The following CSNK2A2IP variants were observed in gnomAD, a reference collection of about 807,000 sequenced individuals.
CSNK2A2IP encodes the protein casein kinase II subunit alpha'-interacting protein.
At chr3:88,343,938 T>C in the CSNK2A2IP span, among the ~76,000 whole-genome samples, 1 of 151,922 alleles carries the variant, frequency 6.6e-6, no homozygotes, top group Non-Finnish European at 1.5e-5. Context: ...TTCAAATAGT[T>C]TTACCTACTA....
chr3:88,354,701 A>G, the CSNK2A2IP span, among the ~76,000 whole-genome samples: 1 of 152,220 alleles, frequency 6.6e-6, no homozygotes, highest in Non-Finnish European at 1.5e-5. Context: ...TGAACATTTT[A>G]GAAAAATCAT....
At chr3:88,418,284 A>T in the CSNK2A2IP span, among the ~76,000 whole-genome samples, 5 of 152,236 alleles carry the variant, frequency 3.3e-5, no homozygotes, top group South Asian at 2.1e-4. Context: ...TTCTTTTTTT[A>T]AAAAAAGAAA....
At chr3:88,419,088 A>G in the CSNK2A2IP span, among the ~76,000 whole-genome samples, 1 of 152,096 alleles carries the variant, frequency 6.6e-6, no homozygotes. Context: ...GTCTAGTTTC[A>G]GGAAAACAAG....
the CSNK2A2IP span, among the ~76,000 whole-genome samples, chr3:88,417,630 T>C: frequency 6.6e-6 from 1 of 152,230 alleles, no homozygotes; most frequent in South Asian, 2.1e-4. Context: ...ACAGGCAATC[T>C]AAACAAGGTG....
At chr3:88,395,376 T>C in the CSNK2A2IP span, among the ~76,000 whole-genome samples, 1 of 152,198 alleles carries the variant, frequency 6.6e-6, no homozygotes, top group Non-Finnish European at 1.5e-5. Context: ...TCAAATTTAG[T>C]GTTTTCTGTA....
the CSNK2A2IP span, among the ~76,000 whole-genome samples, chr3:88,423,611 A>G: frequency 6.6e-6 from 1 of 152,022 alleles, no homozygotes; most frequent in Non-Finnish European, 1.5e-5. Context: ...TGTGAAGAAA[A>G]CCTGATCAAG....
At chr3:88,343,904 T>C in the CSNK2A2IP span, among the ~76,000 whole-genome samples, 1 of 151,956 alleles carries the variant, frequency 6.6e-6, no homozygotes, top group Non-Finnish European at 1.5e-5. Flanking sequence ...TCAATCAATA[T>C]TTCACAATAA....
chr3:88,415,488 G>T, the CSNK2A2IP span, among the ~76,000 whole-genome samples: 5 of 151,038 alleles, frequency 3.3e-5, no homozygotes, highest in Admixed American at 2.6e-4. Context: ...TTCATGGTAT[G>T]ATTTAAGTTT....
the CSNK2A2IP span, among the ~76,000 whole-genome samples, chr3:88,346,459 G>A: frequency 6.6e-6 from 1 of 151,966 alleles, no homozygotes; most frequent in Non-Finnish European, 1.5e-5. Context: ...ACTCTTGTTA[G>A]AGGTGAATGC....
At chr3:88,464,573 CA>C in the CSNK2A2IP span, among the ~76,000 whole-genome samples, 1 of 151,846 alleles carries the variant, frequency 6.6e-6, no homozygotes, top group Non-Finnish European at 1.5e-5. Context: ...TCAAAAGTTT[CA>C]ATGCTGCAGT....
chr3:88,375,252 T>C, the CSNK2A2IP span, among the ~76,000 whole-genome samples: 2 of 151,716 alleles, frequency 1.3e-5, no homozygotes, highest in Admixed American at 6.6e-5. Flanking sequence ...AGTTTTACCA[T>C]CCTTTTTTGA....
chr3:88,421,615 C>T, the CSNK2A2IP span, among the ~76,000 whole-genome samples: 1 of 152,104 alleles, frequency 6.6e-6, no homozygotes, highest in African/African-American at 2.4e-5. Context: ...TGGGGTTTTA[C>T]TATGTTGGCC....
chr3:88,409,280 C>T, the CSNK2A2IP span, among the ~76,000 whole-genome samples: 4 of 152,152 alleles, frequency 2.6e-5, no homozygotes, highest in South Asian at 4.1e-4. Context: ...TCTTTCCCTA[C>T]TTCTGTTCTG....
the CSNK2A2IP span, among the ~76,000 whole-genome samples, chr3:88,460,667 C>CAG: frequency 6.6e-6 from 1 of 152,144 alleles, no homozygotes; most frequent in Non-Finnish European, 1.5e-5. Context: ...TGAATTCATC[C>CAG]ATGCAATCTT....
chr3:88,384,953 TA>T, the CSNK2A2IP span, among the ~76,000 whole-genome samples: 2 of 152,124 alleles, frequency 1.3e-5, no homozygotes, highest in Non-Finnish European at 2.9e-5. Context: ...GATCAAAAAT[TA>T]TTTTTGAGAT....
At chr3:88,348,681 T>C in the CSNK2A2IP span, among the ~76,000 whole-genome samples, 1 of 152,026 alleles carries the variant, frequency 6.6e-6, no homozygotes, top group Non-Finnish European at 1.5e-5. Context: ...GTGTAAACAC[T>C]CTCTTAATCA....
the CSNK2A2IP span, among the ~76,000 whole-genome samples, chr3:88,381,373 T>C: frequency 6.6e-6 from 1 of 152,166 alleles, no homozygotes; most frequent in African/African-American, 2.4e-5. Context: ...TCAAAGCCCA[T>C]AGACAGGGAG....
At chr3:88,376,211 A>T in the CSNK2A2IP span, among the ~76,000 whole-genome samples, 11 of 151,454 alleles carry the variant, frequency 7.3e-5, no homozygotes, top group Admixed American at 2.6e-4. Flanking sequence ...ATTTGACCTC[A>T]GTTTTCTTCT....
the CSNK2A2IP span, chr3:88,465,914 G>A: frequency 1.0e-4 from 127 of 1,231,400 alleles, no homozygotes; most frequent in South Asian, 6.6e-4. Context: ...TCATTATTTC[G>A]CCTCCAAAAT....
Sources: gnomAD v4.1 joint callset for allele counts (sites outside exome capture counted in the v4.1 genomes callset) on GRCh38, gnomAD v4.1.1 for gene constraint, MANE v1.5 for transcripts, NCBI Gene and HGNC (gene_info 2026-07-23, HGNC 2026-07-21) for gene names.